GMDS: variants seen among roughly 807,000 people sequenced by gnomAD.
GMDS encodes the protein GDP-mannose 4,6-dehydratase.
Under a neutral mutation model 49.9 loss-of-function variants are expected in GMDS, and 20 were observed. The ratio of observed to expected loss-of-function variants is 0.40; its 90% CI spans 0.28 to 0.58. The LOEUF is 0.58. GMDS is among the 20% of genes least tolerant of loss of function. GMDS has a pLI of 0.42. For synonymous variants in GMDS, 177 were observed against 178.6 expected (o/e 0.99, Z 0.07); for missense variants, 362 against 481.4 (o/e 0.75, Z 2.32).
At chr6:1,943,404 G>A (rs1762911048) in intron 6 of GMDS, among the ~76,000 whole-genome samples, 1 of 152,172 alleles carries the variant, frequency 6.6e-6, no homozygotes, top group South Asian at 2.1e-4. Context: ...TCAACTGTGA[G>A]CTTCTTAAAG....
At chr6:1,707,710 A>G (rs1179468355) in intron 9 of GMDS, among the ~76,000 whole-genome samples, 1 of 151,896 alleles carries the variant, frequency 6.6e-6, no homozygotes, top group African/African-American at 2.4e-5. Flanking sequence ...GCCTGGGAGG[A>G]GCTCTGCCAC....
At chr6:1,759,546 C>G (rs1216088911) in intron 7 of GMDS, among the ~76,000 whole-genome samples, 4 of 152,202 alleles carry the variant, frequency 2.6e-5, no homozygotes, top group Admixed American at 1.3e-4. Context: ...GTGAGCTAAC[C>G]TGGGGACCTG....
chr6:1,909,340 T>C (rs1369843432), intron 7 of GMDS, among the ~76,000 whole-genome samples: 1 of 152,232 alleles, frequency 6.6e-6, no homozygotes, highest in Non-Finnish European at 1.5e-5. Flanking sequence ...ACTTGTGAAT[T>C]ACCTGCTTAA....
chr6:1,651,516 T>G (rs886465592), intron 9 of GMDS, among the ~76,000 whole-genome samples: 1 of 152,212 alleles, frequency 6.6e-6, no homozygotes, highest in Non-Finnish European at 1.5e-5. Context: ...GGGCACACCC[T>G]CCTTTAACTA....
intron 7 of GMDS, among the ~76,000 whole-genome samples, chr6:1,873,424 A>G (rs1758873675): frequency 6.6e-6 from 1 of 152,146 alleles, no homozygotes; most frequent in African/African-American, 2.4e-5. Context: ...TAAACTGTGC[A>G]ATAAGGGAAT....
intron 1 of GMDS, among the ~76,000 whole-genome samples, chr6:2,152,995 G>C (rs187800823): frequency 6.6e-6 from 1 of 152,054 alleles, no homozygotes; most frequent in Non-Finnish European, 1.5e-5. Flanking sequence ...CAGGGGCATC[G>C]CTTGAACCCA....
intron 7 of GMDS, among the ~76,000 whole-genome samples, chr6:1,752,854 C>G (rs902752363): frequency 6.6e-6 from 1 of 152,276 alleles, no homozygotes; most frequent in African/African-American, 2.4e-5. Context: ...TTGTCACCAC[C>G]TGGCCTGCCT....
chr6:1,813,607 C>G (rs757265977), intron 7 of GMDS, among the ~76,000 whole-genome samples: 1 of 152,220 alleles, frequency 6.6e-6, no homozygotes, highest in Middle Eastern at 3.4e-3. Flanking sequence ...GTTGAGAAAA[C>G]AGAGAGAGCT....
chr6:2,119,721 G>A (rs1171296966), intron 2 of GMDS, among the ~76,000 whole-genome samples: 3 of 152,138 alleles, frequency 2.0e-5, no homozygotes, highest in Non-Finnish European at 2.9e-5. Context: ...AGATAAAAGA[G>A]CTGAATTTGG....
intron 7 of GMDS, among the ~76,000 whole-genome samples, chr6:1,784,308 C>G (rs1769225518): frequency 7.0e-6 from 1 of 143,196 alleles, no homozygotes; most frequent in South Asian, 2.2e-4. Flanking sequence ...AGGAGAATCA[C>G]TTGAACCTGG....
intron 7 of GMDS, among the ~76,000 whole-genome samples, chr6:1,871,463 A>G (rs922463504): frequency 6.6e-6 from 1 of 152,258 alleles, no homozygotes; most frequent in African/African-American, 2.4e-5. Flanking sequence ...TGAGTACTTC[A>G]GGGAACACAA....
intron 7 of GMDS, among the ~76,000 whole-genome samples, chr6:1,808,304 T>A (rs1017054797): frequency 6.6e-6 from 1 of 152,228 alleles, no homozygotes. Flanking sequence ...GAGGCTTGGC[T>A]AAGTTAAAGG....
chr6:1,835,156 C>T lies in GMDS; in HGVS notation c.772-92570G>A, dbSNP rs74532108. On this transcript the variant is annotated intron_variant, in intron 7 of 10. Transcript: ENST00000380815. Reference sequence around the variant, plus strand: ...CGGGAGGGGCACAGAGTCTGTGTTGCGTAAGGGGGGGTCTGTCAGGGAAGT... The same window carrying T: ...CGGGAGGGGCACAGAGTCTGTGTTGTGTAAGGGGGGGTCTGTCAGGGAAGT... 2.0e-4 allele frequency among the ~76,000 whole-genome samples: 30 copies of T among 152,006 alleles called. No homozygotes were observed. The East Asian group carries it at 3.9e-3, about 20-fold the overall frequency.
At chr6:2,039,219 T>G (rs898835718) in intron 4 of GMDS, among the ~76,000 whole-genome samples, 1 of 152,118 alleles carries the variant, frequency 6.6e-6, no homozygotes, top group Non-Finnish European at 1.5e-5. Flanking sequence ...AAATGGTACA[T>G]CCGTATAAGG....
At chr6:1,852,383 C>T (rs1757717585) in intron 7 of GMDS, among the ~76,000 whole-genome samples, 1 of 152,132 alleles carries the variant, frequency 6.6e-6, no homozygotes, top group South Asian at 2.1e-4. Flanking sequence ...GTAATAAAAG[C>T]TTTTTGCTTA....
chr6:1,958,957 A>C (rs1208910077), intron 6 of GMDS, among the ~76,000 whole-genome samples: 1 of 152,220 alleles, frequency 6.6e-6, no homozygotes, highest in Non-Finnish European at 1.5e-5. Flanking sequence ...TTAAAACTTA[A>C]TACTGGGAAC....
In GMDS at chr6:2,245,424, T is replaced by A. The variant is rs1781824865; in HGVS notation, c.-2A>T. ...GCAGCGTGCCGGTGCGTGTGCCATG[T>A]CCCGCGGCGGGCGTGCGGTCGGCGG... On this transcript the variant is annotated 5_prime_UTR_variant, in exon 1 of 11. Transcript: ENST00000380815. The A allele has an allele frequency of 2.0e-6, 3 of 1,476,572 alleles. No individual in the cohort carries two copies. The highest frequency in any genetic ancestry group is 1.5e-5 in the African/African-American group (1 of 67,880). 91.5% of individuals were successfully genotyped at this position (1,476,572 alleles called of 1,614,324 possible).
In GMDS at chr6:1,635,044, C is replaced by T. The variant is rs576351065; in HGVS notation, c.988-10504G>A. Among the ~76,000 whole-genome samples the T allele has an allele frequency of 1.9e-3, 286 of 152,244 alleles. No individual in the cohort carries two copies. Among genetic ancestry groups the T allele is most frequent in the African/African-American group, 6.5e-3 (271 of 41,546 alleles). On this transcript the variant is annotated intron_variant, in intron 9 of 10. Transcript: ENST00000380815. This position sits in a 1 kb window ranked among gnomAD's most constrained non-coding sequence, Gnocchi z 4.7. ...GTTCTCCTAGTGGAGTCTGCGTGTG[C>T]CTCTCACCACAGCCCTGCCAGCATT... is the stretch of plus-strand genomic sequence containing the variant.
chr6:1,764,489 C>T (rs1768274034), intron 7 of GMDS, among the ~76,000 whole-genome samples: 1 of 152,180 alleles, frequency 6.6e-6, no homozygotes, highest in Non-Finnish European at 1.5e-5. Context: ...ACTCATTTCA[C>T]CCTTGATTTT....
Sources: gnomAD v4.1 joint callset for allele counts (sites outside exome capture counted in the v4.1 genomes callset) on GRCh38, gnomAD v4.1.1 for gene constraint, Gnocchi (gnomAD v3.1) non-coding constraint, MANE v1.5 for transcripts, NCBI Gene and HGNC (gene_info 2026-07-23, HGNC 2026-07-21) for gene names.